Variants in MNAT1 observed in about 807,000 individuals in gnomAD.
MNAT1 encodes the protein CDK-activating kinase assembly factor MAT1.
In MNAT1, 43 loss-of-function variants were observed where a neutral mutation model predicts 42.0. The observed-to-expected ratio is 1.02, with a 90% CI of 0.80 to 1.32. The LOEUF is 1.32. Ranked by LOEUF, MNAT1 falls within the 40% of genes most tolerant of loss-of-function variation. The pLI is 0.00. For synonymous variants in MNAT1, 118 were observed against 120.0 expected (o/e 0.98, Z 0.11); for missense variants, 306 against 350.4 (o/e 0.87, Z 1.01).
chr14:60,761,233 A>G (rs982906664), intron 1 of MNAT1, among the ~76,000 whole-genome samples: 5 of 152,300 alleles, frequency 3.3e-5, no homozygotes, highest in Middle Eastern at 3.4e-3. Context: ...CCTGTTGTAG[A>G]AGGTTATCCA....
chr14:60,810,974 C>G (rs909650674), intron 4 of MNAT1, among the ~76,000 whole-genome samples: 1 of 152,158 alleles, frequency 6.6e-6, no homozygotes, highest in Non-Finnish European at 1.5e-5. Context: ...CCTACTGTTA[C>G]TATATTGCTG....
At chr14:60,766,717 C>G (rs955273673) in intron 1 of MNAT1, among the ~76,000 whole-genome samples, 6 of 152,050 alleles carry the variant, frequency 3.9e-5, no homozygotes, top group Admixed American at 3.3e-4. Context: ...TCAAAAAAAA[C>G]AAAAATCTTT....
At chr14:60,811,115 A>C (rs1324443727) in intron 4 of MNAT1, among the ~76,000 whole-genome samples, 2 of 151,830 alleles carry the variant, frequency 1.3e-5, no homozygotes. Flanking sequence ...TTTTTAATTA[A>C]AGTCTATTTT....
chr14:60,931,468 G>A (rs1048128377), intron 7 of MNAT1, among the ~76,000 whole-genome samples: 2 of 152,118 alleles, frequency 1.3e-5, no homozygotes, highest in Admixed American at 6.6e-5. Context: ...TGCAGCTGCC[G>A]CTTCCTTCTG....
intron 1 of MNAT1, among the ~76,000 whole-genome samples, chr14:60,783,306 T>G (rs1204117117): frequency 4.6e-5 from 7 of 152,212 alleles, no homozygotes; most frequent in Admixed American, 4.6e-4. Context: ...TGGCCTGCAC[T>G]TAAACTATGA....
chr14:60,949,500 A>G (rs1594903359), intron 7 of MNAT1, among the ~76,000 whole-genome samples: 1 of 152,212 alleles, frequency 6.6e-6, no homozygotes, highest in Admixed American at 6.5e-5. Context: ...GAAAAAAGTC[A>G]TATGTAACTC....
intron 6 of MNAT1, among the ~76,000 whole-genome samples, chr14:60,863,747 T>G (rs767080462): frequency 6.6e-6 from 1 of 152,060 alleles, no homozygotes; most frequent in Non-Finnish European, 1.5e-5. Flanking sequence ...GATGAAAAAT[T>G]TATAAAGGAT....
At chr14:60,899,700 A>G (rs1432939003) in intron 7 of MNAT1, among the ~76,000 whole-genome samples, 1 of 152,234 alleles carries the variant, frequency 6.6e-6, no homozygotes, top group African/African-American at 2.4e-5. Context: ...TGGCAAAGCA[A>G]TTAAAAAATC....
intron 2 of MNAT1, 129 bp downstream of exon 2, chr14:60,796,498 T>TC: frequency 3.8e-6 from 3 of 795,988 alleles, no homozygotes; most frequent in Middle Eastern, 3.8e-4. Flanking sequence ...ATTTAAGTTC[T>TC]TAGAGAACTG....
In MNAT1 at chr14:60,966,290, T is replaced by C. The variant is rs984038850; in HGVS notation, c.810-1939T>C. ...ACCTGCCACTGTGCCTGGCTACTTT[T>C]TCTATTTTTAGTAGAGACGGGGTTT... On this transcript the variant is annotated intron_variant, in intron 7 of 7. Coordinates refer to ENST00000261245, the MANE Select transcript of MNAT1 (RefSeq NM_002431.4). Among the ~76,000 whole-genome samples, 10 of 152,022 alleles carry C rather than the reference T, an allele frequency of 6.6e-5. No homozygotes were observed. The East Asian group carries it at 1.6e-3, about 24-fold the overall frequency.
At position 60,798,169 on chromosome 14, in the gene MNAT1, T is replaced by C; in HGVS notation, c.316+9T>C. ...AGAAGTGGAAGAAATTGGTACGTTT[T>C]TAATTTGATGTATGCTAGCCTATAA... On this transcript the variant is annotated intron_variant, in intron 3 of 7. Coordinates refer to ENST00000261245, the MANE Select transcript of MNAT1 (RefSeq NM_002431.4). 7.1e-7 allele frequency: 1 copy of C among 1,417,050 alleles called. No individual in the cohort carries two copies. Among genetic ancestry groups the C allele is most frequent in the African/African-American group, 1.4e-5 (1 of 70,926 alleles). 87.8% of individuals were successfully genotyped at this position (1,417,050 alleles called of 1,614,324 possible). A position where few individuals can be genotyped will look rare whatever the true frequency, so the allele number is the denominator to read the frequency against.
At chr14:60,843,118 A>C (rs963870968) in intron 6 of MNAT1, among the ~76,000 whole-genome samples, 1 of 152,214 alleles carries the variant, frequency 6.6e-6, no homozygotes, top group Non-Finnish European at 1.5e-5. Flanking sequence ...ACAGTGGCTC[A>C]TGCCTGTAAT....
At chr14:60,833,892 G>A (rs1283828005) in intron 6 of MNAT1, among the ~76,000 whole-genome samples, 1 of 152,094 alleles carries the variant, frequency 6.6e-6, no homozygotes, top group Admixed American at 6.5e-5. Flanking sequence ...CTTCTTCCTG[G>A]TTTAGTCTTG....
chr14:60,886,684 A>G (rs2034681382), intron 7 of MNAT1, among the ~76,000 whole-genome samples: 1 of 151,956 alleles, frequency 6.6e-6, no homozygotes, highest in Non-Finnish European at 1.5e-5. Flanking sequence ...CTTCACTATT[A>G]GTATAAAGAA....
At chr14:60,914,438 G>A (rs1307821622) in intron 7 of MNAT1, among the ~76,000 whole-genome samples, 2 of 152,164 alleles carry the variant, frequency 1.3e-5, no homozygotes, top group Non-Finnish European at 2.9e-5. Context: ...CTGTAGACTG[G>A]AGCTGTTCCT....
chr14:60,822,602 ATT>A (rs138596729), intron 6 of MNAT1, among the ~76,000 whole-genome samples: 22 of 135,932 alleles, frequency 1.6e-4, no homozygotes, highest in Admixed American at 3.0e-4. Flanking sequence ...GTTTTTAAGA[ATT>A]TTTTTTTTTT....
At chr14:60,885,428 A>G (rs970044397) in intron 7 of MNAT1, among the ~76,000 whole-genome samples, 15 of 151,790 alleles carry the variant, frequency 9.9e-5, no homozygotes, top group Admixed American at 2.6e-4. Context: ...CAAATAGCTT[A>G]TATTCAAGTT....
chr14:60,757,976 A>G (rs1448151579), intron 1 of MNAT1, among the ~76,000 whole-genome samples: 2 of 152,170 alleles, frequency 1.3e-5, no homozygotes, highest in Non-Finnish European at 2.9e-5. Flanking sequence ...AATTGTTATG[A>G]TGAGTGTTGT....
chr14:60,840,896 C>T (rs1204605602), intron 6 of MNAT1, among the ~76,000 whole-genome samples: 2 of 152,056 alleles, frequency 1.3e-5, no homozygotes, highest in Non-Finnish European at 1.5e-5. Context: ...ATTTCCTGAC[C>T]TCAGGTGATC....
Sources: allele counts gnomAD v4.1 joint callset (sites outside exome capture counted in the v4.1 genomes callset), GRCh38; gene constraint gnomAD v4.1.1; transcripts MANE v1.5; gene names NCBI Gene and HGNC (gene_info 2026-07-23, HGNC 2026-07-21).